FAAH2: variants seen among roughly 807,000 people sequenced by gnomAD.
The protein encoded by FAAH2 is fatty-acid amide hydrolase 2.
Under a neutral mutation model 36.9 loss-of-function variants are expected in FAAH2, and 60 were observed. That is an observed-to-expected ratio of 1.63 (90% CI 1.32 to 2.02). The LOEUF (loss-of-function observed/expected upper bound fraction) is 2.02. Ranked by LOEUF, FAAH2 falls within the 30% of genes most tolerant of loss-of-function variation. The pLI, the probability that FAAH2 is intolerant of heterozygous loss-of-function variation, is 0.00. For missense variants in FAAH2, 689 were observed against 397.5 expected, an observed-to-expected ratio of 1.73 and a Z score of -6.23; for synonymous variants, 214 against 143.8, an observed-to-expected ratio of 1.49 and a Z score of -3.49.
At chrX:57,267,548 G>A in the FAAH2 span, among the ~76,000 whole-genome samples, 1 of 112,370 alleles carries the variant, frequency 8.9e-6, no homozygotes, top group South Asian at 3.7e-4. Flanking sequence ...ACCCTTGGCT[G>A]CCTTGCCTCC....
At chrX:57,479,112 A>G (rs1241821937) in intron 10 of FAAH2, among the ~76,000 whole-genome samples, 1 of 111,794 alleles carries the variant, frequency 8.9e-6, no homozygotes, top group Non-Finnish European at 1.9e-5. Flanking sequence ...GATTCTTCCT[A>G]CCAATGAGTA....
At chrX:57,351,030 A>T (rs1192229143) in intron 5 of FAAH2, among the ~76,000 whole-genome samples, 1 of 111,752 alleles carries the variant, frequency 8.9e-6, no homozygotes, top group African/African-American at 3.2e-5. Flanking sequence ...ACAACTGAAG[A>T]ATATACATTC....
chrX:57,330,103 C>T (rs756033239), intron 3 of FAAH2, among the ~76,000 whole-genome samples: 24 of 111,790 alleles, frequency 2.1e-4, no homozygotes, highest in African/African-American at 7.1e-4. Context: ...GAAAAAAGAA[C>T]AAGATAACAG....
At chrX:57,264,045 C>T in the FAAH2 span, among the ~76,000 whole-genome samples, 1 of 111,834 alleles carries the variant, frequency 8.9e-6, no homozygotes, top group Non-Finnish European at 1.9e-5. Context: ...ACTTAAAATA[C>T]TAAACATAAA....
chrX:57,393,497 A>G, intron 7 of FAAH2: 2 of 962,388 alleles, frequency 2.1e-6, no homozygotes, highest in Admixed American at 4.4e-5. Context: ...CCGGTCTGCA[A>G]TGATAGAGGA....
the FAAH2 span, among the ~76,000 whole-genome samples, chrX:57,238,420 T>G: frequency 9.0e-6 from 1 of 111,466 alleles, no homozygotes; most frequent in Non-Finnish European, 1.9e-5. Flanking sequence ...CTGCATGTTC[T>G]CACTTATAAT....
At chrX:57,479,877 A>G (rs1321829308) in intron 10 of FAAH2, among the ~76,000 whole-genome samples, 4 of 111,684 alleles carry the variant, frequency 3.6e-5, no homozygotes, top group Non-Finnish European at 7.5e-5. Context: ...AGACTAATAA[A>G]GAAGAAAAGA....
chrX:57,285,186 G>A (rs1275025465), upstream of FAAH2, among the ~76,000 whole-genome samples: 1 of 111,915 alleles, frequency 8.9e-6, no homozygotes, highest in Non-Finnish European at 1.9e-5. Flanking sequence ...TCTACCAGGT[G>A]CTTGAATTAG....
chrX:57,421,156 G>T (rs1323400170), intron 7 of FAAH2, among the ~76,000 whole-genome samples: 1 of 112,269 alleles, frequency 8.9e-6, no homozygotes, highest in Non-Finnish European at 1.9e-5. Flanking sequence ...AGCCACAAAG[G>T]TGTTTTTGGC....
chrX:57,240,275 C>G, the FAAH2 span, among the ~76,000 whole-genome samples: 1 of 111,153 alleles, frequency 9.0e-6, no homozygotes, highest in African/African-American at 3.3e-5. Context: ...GCCTTCATTT[C>G]TAGATGATTC....
chrX:57,168,679 C>T, the FAAH2 span, among the ~76,000 whole-genome samples: 1 of 111,816 alleles, frequency 8.9e-6, no homozygotes, highest in Non-Finnish European at 1.9e-5. Context: ...GAGACAACTT[C>T]ATCAACTGCA....
chrX:57,170,275 G>A, the FAAH2 span, among the ~76,000 whole-genome samples: 1 of 111,783 alleles, frequency 8.9e-6, no homozygotes, highest in Non-Finnish European at 1.9e-5. Flanking sequence ...CATCCTCAAA[G>A]TTTATTCATG....
At chrX:57,176,218 G>A in the FAAH2 span, among the ~76,000 whole-genome samples, 2 of 110,003 alleles carry the variant, frequency 1.8e-5, no homozygotes, top group African/African-American at 6.6e-5. Context: ...TTGATTCTTA[G>A]GTTTGGCCAT....
chrX:57,254,497 A>T, the FAAH2 span, among the ~76,000 whole-genome samples: 2 of 112,016 alleles, frequency 1.8e-5, no homozygotes, highest in Admixed American at 1.9e-4. Context: ...CATCGCACTT[A>T]TTCTAAAATT....
chrX:57,140,815 C>G, the FAAH2 span, among the ~76,000 whole-genome samples: 1 of 110,885 alleles, frequency 9.0e-6, no homozygotes, highest in Non-Finnish European at 1.9e-5. Flanking sequence ...ATAATAGACA[C>G]TAGGATTTCC....
chrX:57,426,948 G>T (rs2056176420), intron 7 of FAAH2, among the ~76,000 whole-genome samples: 1 of 110,660 alleles, frequency 9.0e-6, no homozygotes, highest in African/African-American at 3.3e-5. Context: ...AAAAAGCAAT[G>T]AAATGAAGTT....
At chrX:57,349,072 T>TAA (rs397708998) in intron 5 of FAAH2, among the ~76,000 whole-genome samples, 2 of 96,726 alleles carry the variant, frequency 2.1e-5, no homozygotes, top group African/African-American at 3.7e-5. Flanking sequence ...TATATATATA[T>TAA]TATATATACA....
At chrX:57,477,301 G>A (rs1271600684) in intron 10 of FAAH2, among the ~76,000 whole-genome samples, 3 of 109,910 alleles carry the variant, frequency 2.7e-5, no homozygotes, top group Admixed American at 9.8e-5. Flanking sequence ...TAATTACACT[G>A]CTACATATTC....
chrX:57,152,807 G>A, the FAAH2 span, among the ~76,000 whole-genome samples: 1 of 111,325 alleles, frequency 9.0e-6, no homozygotes, highest in South Asian at 3.9e-4. Context: ...TCCCTAGTGA[G>A]ATGAACCCGG....
Sources: allele counts gnomAD v4.1 joint callset (sites outside exome capture counted in the v4.1 genomes callset), GRCh38; gene constraint gnomAD v4.1.1; transcripts MANE v1.5; gene names NCBI Gene and HGNC (gene_info 2026-07-23, HGNC 2026-07-21).